Variants in CCSER1 observed in about 807,000 individuals in gnomAD.
The protein encoded by CCSER1 is serine-rich coiled-coil domain-containing protein 1.
A neutral mutation model predicts 82.0 loss-of-function variants in CCSER1; 41 were observed. That is an observed-to-expected ratio of 0.50 (90% CI 0.39 to 0.65). CCSER1 has a LOEUF of 0.65. CCSER1 is among the 30% of genes least tolerant of loss of function. The pLI is 0.00. For missense variants in CCSER1, 1,119 were observed against 1,064.2 expected, an observed-to-expected ratio of 1.05 and a Z score of -0.72; for synonymous variants, 414 against 383.9, an observed-to-expected ratio of 1.08 and a Z score of -0.92.
intron 10 of CCSER1, among the ~76,000 whole-genome samples, chr4:91,536,413 G>T (rs951313356): frequency 2.6e-5 from 4 of 151,960 alleles, no homozygotes; most frequent in African/African-American, 9.7e-5. Context: ...TATAAGAAAC[G>T]CAGAGTTGGA....
At chr4:90,795,236 G>A (rs563018929) in intron 7 of CCSER1, among the ~76,000 whole-genome samples, 14 of 150,230 alleles carry the variant, frequency 9.3e-5, no homozygotes, top group Admixed American at 6.0e-4. Flanking sequence ...GCAGTGAGCC[G>A]AGATCGTGCC....
chr4:90,837,282 A>G (rs1367839448), intron 8 of CCSER1, among the ~76,000 whole-genome samples: 1 of 152,186 alleles, frequency 6.6e-6, no homozygotes, highest in Non-Finnish European at 1.5e-5. Flanking sequence ...AACAAAATAT[A>G]TGGGCACTAA....
At chr4:90,992,654 C>A (rs946508069) in intron 9 of CCSER1, among the ~76,000 whole-genome samples, 1 of 151,864 alleles carries the variant, frequency 6.6e-6, no homozygotes, top group Non-Finnish European at 1.5e-5. Context: ...ATGTTGTTGG[C>A]AGAATTCAAT....
rs546849593 is a variant in CCSER1, at chr4:91,441,565, C to G, written c.2218-157007C>G. ...ATTCCCTTTGAAAACTGGCACAAGACAGGGATGCCTTCTCTCACCACTCCT... is the reference window on the plus strand; with the variant it reads ...ATTCCCTTTGAAAACTGGCACAAGAGAGGGATGCCTTCTCTCACCACTCCT... On this transcript the variant is annotated intron_variant, in intron 10 of 10. Transcript: ENST00000509176. Among the ~76,000 whole-genome samples the G allele has an allele frequency of 2.2e-4, 34 of 152,294 alleles. No individual in the cohort carries two copies. The South Asian group carries it at 6.4e-3, about 29-fold the overall frequency.
intron 6 of CCSER1, among the ~76,000 whole-genome samples, chr4:90,660,181 A>G (rs1730501097): frequency 6.6e-6 from 1 of 152,082 alleles, no homozygotes; most frequent in African/African-American, 2.4e-5. Context: ...CACACTGGGT[A>G]TCTACCCAAA....
At chr4:90,192,663 C>T (rs185751448) in intron 1 of CCSER1, among the ~76,000 whole-genome samples, 2 of 152,044 alleles carry the variant, frequency 1.3e-5, no homozygotes, top group East Asian at 3.9e-4. Context: ...GGCCCATAAC[C>T]GTTAATAATG....
rs140772057 is a variant in CCSER1 at position 90,367,930 on chromosome 4, GAA to G, written c.1510-32102_1510-32101del. On this transcript the variant is annotated intron_variant, in intron 3 of 10. Transcript: ENST00000509176. ...TAATATAGAAAATTACTGAAAAAAA[GAA>G]AAATATATGGATTAAAAGAGTTTTA... Among the ~76,000 whole-genome samples the G allele has an allele frequency of 8.7e-4, 132 of 151,866 alleles. 2 individuals are homozygous for G. In the East Asian group the frequency reaches 0.02, roughly 23 times the overall value.
At chr4:91,303,610 A>AC (rs1172059404) in intron 10 of CCSER1, among the ~76,000 whole-genome samples, 1 of 151,746 alleles carries the variant, frequency 6.6e-6, no homozygotes, top group African/African-American at 2.4e-5. Flanking sequence ...ACATAGCAAG[A>AC]CCCCATCTCT....
chr4:91,111,671 T>A (rs1000800182), intron 10 of CCSER1, among the ~76,000 whole-genome samples: 1 of 151,858 alleles, frequency 6.6e-6, no homozygotes, highest in South Asian at 2.1e-4. Flanking sequence ...GAATAACTCT[T>A]CTTTTCCATC....
chr4:90,781,527 G>A, intron 7 of CCSER1: 1 of 984,306 alleles, frequency 1.0e-6, no homozygotes, highest in Non-Finnish European at 1.2e-6. Context: ...TGTTAAACTT[G>A]AAACACTTTT....
At position 91,537,588 on chromosome 4, in the gene CCSER1, A is replaced by G. The variant is rs143663899; in HGVS notation, c.2218-60984A>G. 1.2e-3 allele frequency among the ~76,000 whole-genome samples: 190 copies of G among 152,126 alleles called. 1 individual carries two copies. The highest frequency in any genetic ancestry group is 4.3e-3 in the African/African-American group (180 of 41,540). On this transcript the variant is annotated intron_variant, in intron 10 of 10. Transcript: ENST00000509176. ...AAATGATCTTTTGTATTGGTTCGAGAAGTCATTAAAGTCATATATATTTAG... is the reference window on the plus strand; with the variant it reads ...AAATGATCTTTTGTATTGGTTCGAGGAGTCATTAAAGTCATATATATTTAG...
chr4:91,080,403 G>A (rs190594152), intron 9 of CCSER1, among the ~76,000 whole-genome samples: 6 of 152,252 alleles, frequency 3.9e-5, no homozygotes, highest in South Asian at 2.1e-4. Flanking sequence ...GAATCTCTGG[G>A]ACACATTCAA....
At chr4:91,498,134 AGT>A (rs1759024511) in intron 10 of CCSER1, among the ~76,000 whole-genome samples, 2 of 152,014 alleles carry the variant, frequency 1.3e-5, no homozygotes, top group Non-Finnish European at 2.9e-5. Context: ...CCAAGGTCAG[AGT>A]GAGAAAGGCA....
intron 10 of CCSER1, among the ~76,000 whole-genome samples, chr4:91,518,134 C>A (rs1760248899): frequency 6.6e-6 from 1 of 152,266 alleles, no homozygotes; most frequent in Admixed American, 6.5e-5. Flanking sequence ...CATGCAGCAG[C>A]TCTGGGGTGA....
At chr4:90,468,498 T>G in intron 5 of CCSER1, 144 bp downstream of exon 5, 2 of 660,812 alleles carry the variant, frequency 3.0e-6, no homozygotes, top group South Asian at 3.1e-5. Context: ...CTATTCTATA[T>G]TATCTTAATG....
chr4:91,399,002 A>C (rs553190224), intron 10 of CCSER1, among the ~76,000 whole-genome samples: 1 of 151,946 alleles, frequency 6.6e-6, no homozygotes, highest in African/African-American at 2.4e-5. Context: ...GTAATAGATA[A>C]AATTTTTGGA....
At chr4:91,016,144 G>T (rs576857587) in intron 9 of CCSER1, among the ~76,000 whole-genome samples, 38 of 151,936 alleles carry the variant, frequency 2.5e-4, no homozygotes, top group Non-Finnish European at 4.7e-4. Flanking sequence ...TAGTTTTAAT[G>T]TCACTGCATT....
In CCSER1 at chr4:91,468,269, T is replaced by C. The variant is rs552091056; in HGVS notation, c.2218-130303T>C. ...TCGCAAGGACAAAAAAACCAAACAC[T>C]GCATGTTCTCACTCATAGGTGGGAA... On this transcript the variant is annotated intron_variant, in intron 10 of 10. Transcript: ENST00000509176. 1.1e-4 allele frequency among the ~76,000 whole-genome samples: 16 copies of C among 152,100 alleles called. 1 individual carries two copies. The highest frequency in any genetic ancestry group is 7.9e-4 in the Admixed American group (12 of 15,266).
intron 6 of CCSER1, among the ~76,000 whole-genome samples, chr4:90,656,067 C>A: frequency 6.6e-6 from 1 of 152,030 alleles, no homozygotes; most frequent in Non-Finnish European, 1.5e-5. Context: ...CTCTTCACTT[C>A]ATCTTTCAGA....
Sources: gnomAD v4.1 joint callset for allele counts (sites outside exome capture counted in the v4.1 genomes callset) on GRCh38, gnomAD v4.1.1 for gene constraint, MANE v1.5 for transcripts, NCBI Gene and HGNC (gene_info 2026-07-23, HGNC 2026-07-21) for gene names.